Variants in PLEKHM3 observed in about 807,000 individuals in gnomAD.
The protein encoded by PLEKHM3 is pleckstrin homology domain-containing family M member 3.
PLEKHM3 carries 45 observed loss-of-function variants against 81.8 expected under a neutral mutation model. The observed-to-expected ratio is 0.55, with a 90% CI of 0.43 to 0.71. The LOEUF is 0.71. Ranked by LOEUF, PLEKHM3 falls within the 30% of genes least tolerant of loss-of-function variation. The pLI is 0.00. For synonymous variants in PLEKHM3, 352 were observed against 356.4 expected, an observed-to-expected ratio of 0.99 and a Z score of 0.14; for missense variants, 788 against 924.3, an observed-to-expected ratio of 0.85 and a Z score of 1.91.
intron 3 of PLEKHM3, among the ~76,000 whole-genome samples, chr2:207,965,183 T>C (rs1690870182): frequency 6.6e-6 from 1 of 152,204 alleles, no homozygotes; most frequent in Non-Finnish European, 1.5e-5. Flanking sequence ...AAACTGTACC[T>C]ACACCAGTTT....
chr2:207,884,182 G>T (rs1361226365), intron 6 of PLEKHM3, among the ~76,000 whole-genome samples: 1 of 106,842 alleles, frequency 9.4e-6, no homozygotes, highest in Admixed American at 1.5e-4. Context: ...GAATAGAAAT[G>T]AACTTCCTTA....
At chr2:207,833,649 G>T (rs2092301305) in intron 7 of PLEKHM3, among the ~76,000 whole-genome samples, 2 of 152,138 alleles carry the variant, frequency 1.3e-5, no homozygotes, top group Admixed American at 6.5e-5. Context: ...GCCTCTCTCG[G>T]CTAGATGCCA....
chr2:207,836,729 G>A (rs905406954), intron 7 of PLEKHM3, among the ~76,000 whole-genome samples: 1 of 152,224 alleles, frequency 6.6e-6, no homozygotes, highest in Admixed American at 6.5e-5. Flanking sequence ...CCGCTGCCCC[G>A]AGTTGAGGTC....
chr2:207,893,309 C>T lies in PLEKHM3; in HGVS notation c.1950+15205G>A, dbSNP rs537091900. On this transcript the variant is annotated intron_variant, in intron 6 of 7. Coordinates refer to ENST00000427836, the MANE Select transcript of PLEKHM3 (RefSeq NM_001080475.3). ...CCTCTGGGCCAAAGCCAAGGAACAC[C>T]CTTCCTTCTTTGGGTTTTGGGGGAG... 4.6e-5 allele frequency among the ~76,000 whole-genome samples: 7 copies of T among 152,302 alleles called. No individual in the cohort carries two copies. The South Asian group carries it at 1.5e-3, about 32-fold the overall frequency.
intron 2 of PLEKHM3, among the ~76,000 whole-genome samples, chr2:207,984,429 T>C (rs6723682): frequency 0.91 from 138,204 of 151,970 alleles, 63,318 homozygotes; most frequent in African/African-American, 0.98. Context: ...CTTGCTCTGT[T>C]GCCCAGGCTT....
intron 5 of PLEKHM3, among the ~76,000 whole-genome samples, chr2:207,916,744 T>C (rs886417793): frequency 1.3e-5 from 2 of 151,564 alleles, no homozygotes; most frequent in African/African-American, 4.9e-5. Flanking sequence ...TGAGACTTCA[T>C]CTCAAAAAAA....
chr2:207,874,944 T>C (rs2092553196), intron 6 of PLEKHM3, among the ~76,000 whole-genome samples: 1 of 151,934 alleles, frequency 6.6e-6, no homozygotes. Context: ...AAGAAAACCA[T>C]AAAATATTTT....
At chr2:207,958,313 T>G (rs533295627) in intron 3 of PLEKHM3, among the ~76,000 whole-genome samples, 4 of 152,006 alleles carry the variant, frequency 2.6e-5, no homozygotes, top group African/African-American at 9.7e-5. Context: ...AAATTAATCT[T>G]GGTGAAACAC....
intron 1 of PLEKHM3, among the ~76,000 whole-genome samples, chr2:208,002,757 C>A (rs1017741455): frequency 6.6e-6 from 1 of 152,092 alleles, no homozygotes; most frequent in Non-Finnish European, 1.5e-5. Context: ...CAAGACCAGG[C>A]CAAATTAGAG....
At chr2:207,871,288 A>G (rs573835534) in intron 6 of PLEKHM3, among the ~76,000 whole-genome samples, 3 of 152,234 alleles carry the variant, frequency 2.0e-5, no homozygotes, top group South Asian at 4.1e-4. Context: ...ACCCTCCCCA[A>G]TCCATTATGG....
chr2:207,902,371 T>A (rs534306036), intron 6 of PLEKHM3, among the ~76,000 whole-genome samples: 1 of 152,200 alleles, frequency 6.6e-6, no homozygotes, highest in Non-Finnish European at 1.5e-5. Context: ...CAGTAAAGTA[T>A]GTTGTTTAAA....
At chr2:208,004,130 TATA>T in intron 1 of PLEKHM3, among the ~76,000 whole-genome samples, 1 of 152,258 alleles carries the variant, frequency 6.6e-6, no homozygotes, top group South Asian at 2.1e-4. Flanking sequence ...GTTAGAAGTA[TATA>T]ACAGGCCAGG....
intron 3 of PLEKHM3, among the ~76,000 whole-genome samples, chr2:207,961,382 T>C (rs779807466): frequency 1.3e-5 from 2 of 152,198 alleles, no homozygotes; most frequent in Admixed American, 6.5e-5. Context: ...AGAAAAAATA[T>C]GGGTAAGGCA....
At chr2:207,834,116 TGA>T in intron 7 of PLEKHM3, among the ~76,000 whole-genome samples, 1 of 144,414 alleles carries the variant, frequency 6.9e-6, no homozygotes, top group African/African-American at 2.6e-5. Flanking sequence ...CAACTCACTC[TGA>T]TTTTTCTCTT....
intron 6 of PLEKHM3, among the ~76,000 whole-genome samples, chr2:207,885,881 T>C (rs1043797445): frequency 6.6e-6 from 1 of 152,194 alleles, no homozygotes; most frequent in Non-Finnish European, 1.5e-5. Flanking sequence ...AGAAAATGCT[T>C]GAGTACACTT....
chr2:207,973,888 C>CT (rs945464238), intron 3 of PLEKHM3, among the ~76,000 whole-genome samples: 12 of 151,378 alleles, frequency 7.9e-5, no homozygotes, highest in African/African-American at 2.4e-4. Flanking sequence ...TCTTTCTTTT[C>CT]TTTTTTTTTG....
intron 2 of PLEKHM3, among the ~76,000 whole-genome samples, chr2:207,999,425 A>G (rs1353164883): frequency 6.6e-6 from 1 of 152,048 alleles, no homozygotes; most frequent in African/African-American, 2.4e-5. Context: ...GACCAGCCAT[A>G]GCAACATAGC....
At chr2:207,927,198 C>A (rs189985357) in intron 5 of PLEKHM3, among the ~76,000 whole-genome samples, 38 of 152,202 alleles carry the variant, frequency 2.5e-4, no homozygotes, top group Non-Finnish European at 5.1e-4. Flanking sequence ...ACTGTTTAAA[C>A]TCCCCCACTT....
chr2:207,899,082 T>A (rs1379730103), intron 6 of PLEKHM3, among the ~76,000 whole-genome samples: 1 of 152,072 alleles, frequency 6.6e-6, no homozygotes, highest in Non-Finnish European at 1.5e-5. Context: ...AAGTTCCAAA[T>A]ATGGAGGGAA....
Sources: gnomAD v4.1 joint callset for allele counts (sites outside exome capture counted in the v4.1 genomes callset) on GRCh38, gnomAD v4.1.1 for gene constraint, MANE v1.5 for transcripts, NCBI Gene and HGNC (gene_info 2026-07-23, HGNC 2026-07-21) for gene names.